RELB: variants seen among roughly 807,000 people sequenced by gnomAD.
RELB encodes the protein RELB proto-oncogene, NF-kB subunit.
RELB carries 14 observed loss-of-function variants against 55.4 expected under a neutral mutation model. That is an observed-to-expected ratio of 0.25 (90% CI 0.17 to 0.40). RELB has a LOEUF of 0.40. RELB is among the 10% of genes least tolerant of loss of function. RELB has a pLI of 1.00. For synonymous variants in RELB, 409 were observed against 371.3 expected (o/e 1.10, Z -1.17); for missense variants, 669 against 830.7 (o/e 0.81, Z 2.39).
intron 4 of RELB, among the ~76,000 whole-genome samples, chr19:45,021,047 C>T (rs942203108): frequency 2.0e-5 from 3 of 152,202 alleles, no homozygotes; most frequent in Admixed American, 1.3e-4. Context: ...TGGTAGTGTG[C>T]GCCTGTAGTC....
chr19:45,021,077 C>T (rs563470153), intron 4 of RELB, among the ~76,000 whole-genome samples: 19 of 152,094 alleles, frequency 1.2e-4, no homozygotes, highest in South Asian at 8.3e-4. Context: ...CAGGAGGCTG[C>T]GGCAGGAGAA....
At chr19:45,028,831 G>A (rs990279475) in intron 7 of RELB, 57 bp from the exon 8 acceptor site, 11 of 1,449,320 alleles carry the variant, frequency 7.6e-6, no homozygotes, top group Middle Eastern at 1.7e-4. Context: ...GTAAGGCTTT[G>A]GTGACTGAAT....
At chr19:45,029,379 TC>T (rs1971594871) in intron 8 of RELB, among the ~76,000 whole-genome samples, 1 of 152,068 alleles carries the variant, frequency 6.6e-6, no homozygotes, top group Non-Finnish European at 1.5e-5. Context: ...TCCACTTCAT[TC>T]ATCTCTGTTC....
intron 8 of RELB, among the ~76,000 whole-genome samples, chr19:45,029,763 T>G (rs569110716): frequency 3.3e-4 from 50 of 151,798 alleles, no homozygotes; most frequent in African/African-American, 1.2e-3. Context: ...GGCAGGAGAA[T>G]CGCTTGAACC....
At chr19:45,009,738 T>C (rs1971325778) in intron 2 of RELB, 76 bp from the exon 3 acceptor site, 2 of 1,529,292 alleles carry the variant, frequency 1.3e-6, no homozygotes, top group Non-Finnish European at 1.8e-6. Flanking sequence ...GGTTGGGGAA[T>C]CTGTCTTAAA....
At position 45,011,797 on chromosome 19, in the gene RELB, T is replaced by TGTGTGTGA. The variant is rs1322532535; in HGVS notation, c.164-138_164-137insTGTGTGAG. 484 of 69,848 alleles carry TGTGTGTGA rather than the reference T, an allele frequency of 6.9e-3. 10 individuals are homozygous for TGTGTGTGA. Among genetic ancestry groups the TGTGTGTGA allele is most frequent in the Non-Finnish European group, 9.6e-3 (375 of 38,910 alleles). The allele number at this position is 69,848 out of a possible 1,614,324, so 4.3% of individuals were successfully genotyped here. A position where few individuals can be genotyped will look rare whatever the true frequency, so the allele number is the denominator to read the frequency against. On this transcript the variant is annotated intron_variant, in intron 3 of 11. Coordinates refer to ENST00000221452, the MANE Select transcript of RELB (RefSeq NM_006509.4). ...GTGTGTGTGTGTGTGTGTGTGTGTG[T>TGTGTGTGA]GAGAGAGAGAGAGAGAGAGAGAGAG...
In RELB at chr19:45,024,045, G is replaced by T. The variant is rs189586608; in HGVS notation, c.663-1284G>T. On this transcript the variant is annotated intron_variant, in intron 5 of 11. Transcript: ENST00000221452. ...TTTAGTAGAGACGGGGTTTCACCACGTTGGTCAGGCTGATCTCAAAATTCT... is the reference window on the plus strand; with the variant it reads ...TTTAGTAGAGACGGGGTTTCACCACTTTGGTCAGGCTGATCTCAAAATTCT... Among the ~76,000 whole-genome samples, 3 of 142,226 alleles carry T rather than the reference G, an allele frequency of 2.1e-5. No individual in the cohort carries two copies. In the South Asian group the frequency reaches 7.0e-4, roughly 33 times the overall value. 93.3% of individuals were successfully genotyped at this position (142,226 alleles called of 152,430 possible).
chr19:45,009,877 A>C, intron 3 of RELB, 55 bp downstream of exon 3: 1 of 1,459,450 alleles, frequency 6.9e-7, no homozygotes, highest in Non-Finnish European at 9.4e-7. Flanking sequence ...GTGCCTACAG[A>C]AGGGGGTCTT....
At chr19:45,003,421 G>C (rs1235726514) in intron 2 of RELB, 2 of 412,530 alleles carry the variant, frequency 4.8e-6, no homozygotes, top group African/African-American at 4.4e-5. Context: ...CTTGCAGTGA[G>C]CCGAGATCGC....
chr19:45,006,184 T>C (rs1336560735), intron 2 of RELB, among the ~76,000 whole-genome samples: 2 of 151,854 alleles, frequency 1.3e-5, no homozygotes, highest in Non-Finnish European at 2.9e-5. Flanking sequence ...CGAGAACTAG[T>C]GAGATAGAAT....
At chr19:45,016,636 G>C (rs1402994548) in intron 4 of RELB, among the ~76,000 whole-genome samples, 1 of 152,144 alleles carries the variant, frequency 6.6e-6, no homozygotes, top group East Asian at 1.9e-4. Flanking sequence ...CTGGGTGACA[G>C]AGTTAGACCT....
chr19:45,018,755 C>G (rs1471725192), intron 4 of RELB, among the ~76,000 whole-genome samples: 1 of 150,804 alleles, frequency 6.6e-6, no homozygotes, highest in Non-Finnish European at 1.5e-5. Flanking sequence ...CGGCTCACTG[C>G]AACTTGTGCC....
chr19:45,030,417 T>G (rs1047191288), intron 8 of RELB, among the ~76,000 whole-genome samples: 1 of 152,244 alleles, frequency 6.6e-6, no homozygotes, highest in South Asian at 2.1e-4. Flanking sequence ...GAATCACTTA[T>G]GGTCAGGAGT....
chr19:45,011,884 TTTTA>T, intron 3 of RELB, 48 bp from the exon 4 acceptor site: 2 of 1,261,010 alleles, frequency 1.6e-6, no homozygotes, highest in Non-Finnish European at 2.1e-6. Flanking sequence ...TTTTTTTTTT[TTTTA>T]ATTTTTTAAA....
At chr19:45,032,023 G>A (rs1294186457) in intron 8 of RELB, among the ~76,000 whole-genome samples, 5 of 151,522 alleles carry the variant, frequency 3.3e-5, no homozygotes, top group Non-Finnish European at 7.4e-5. Context: ...AGATCACGAG[G>A]TCAGGAGAGC....
intron 7 of RELB, 107 bp from the exon 8 acceptor site, chr19:45,028,781 C>T (rs34770937): frequency 8.8e-6 from 7 of 793,516 alleles, no homozygotes; most frequent in Admixed American, 2.5e-5. Context: ...CAATTCCCTA[C>T]GTCTCCAGGG....
chr19:45,026,848 T>C (rs1568403224), intron 7 of RELB, among the ~76,000 whole-genome samples: 1 of 152,154 alleles, frequency 6.6e-6, no homozygotes, highest in Non-Finnish European at 1.5e-5. Context: ...TGGGAATAAC[T>C]GGTAGGTTTT....
chr19:45,028,685 C>T (rs1051099109), intron 7 of RELB, among the ~76,000 whole-genome samples: 3 of 152,090 alleles, frequency 2.0e-5, no homozygotes, highest in Non-Finnish European at 4.4e-5. Context: ...TGAGGGCTGG[C>T]GATTGTTCGT....
chr19:45,001,630 C>A lies in RELB; in HGVS notation c.51C>A (p.Ala17=). The A allele has an allele frequency of 6.6e-7, 1 of 1,524,316 alleles. No individual in the cohort carries two copies. The highest frequency in any genetic ancestry group is 8.8e-7 in the Non-Finnish European group (1 of 1,142,206). The allele number at this position is 1,524,316 out of a possible 1,614,324, so 94.4% of individuals were successfully genotyped here. A position where few individuals can be genotyped will look rare whatever the true frequency, so the allele number is the denominator to read the frequency against. ...GGCCGTCCGTCCCCACTGGCCGGGC[C>A]ATGCCGAGTCGCCGCGTCGCCAGAC... ...ASGPSVPTGR[A]MPSRRVARPP... The change falls in exon 1 of 12, where the codon GCC becomes GCA. Residue 17 remains alanine, a synonymous_variant. Coordinates refer to ENST00000221452, the MANE Select transcript of RELB (RefSeq NM_006509.4).
Sources: allele counts gnomAD v4.1 joint callset (sites outside exome capture counted in the v4.1 genomes callset), GRCh38; gene constraint gnomAD v4.1.1; transcripts MANE v1.5; gene names NCBI Gene and HGNC (gene_info 2026-07-23, HGNC 2026-07-21).